The following PRIMA1 variants were observed in gnomAD, a reference collection of about 807,000 sequenced individuals.
PRIMA1 encodes the protein proline rich membrane anchor 1, also known as proline-rich membrane anchor 1.
In PRIMA1, 7 loss-of-function variants were observed where a neutral mutation model predicts 17.5. The ratio of observed to expected loss-of-function variants is 0.40; its 90% CI spans 0.23 to 0.75. The LOEUF is 0.75. Ranked by LOEUF, PRIMA1 falls within the 30% of genes least tolerant of loss-of-function variation. The pLI is 0.37. For synonymous variants in PRIMA1, 97 were observed against 77.9 expected (o/e 1.25, Z -1.29); for missense variants, 200 against 201.8 (o/e 0.99, Z 0.05).
chr14:93,763,948 C>A (rs1372784847), intron 3 of PRIMA1, among the ~76,000 whole-genome samples: 1 of 152,122 alleles, frequency 6.6e-6, no homozygotes, highest in African/African-American at 2.4e-5. Context: ...ACCTCCAACA[C>A]CTTGTGTCAA....
At chr14:93,756,030 G>T (rs191567076) in intron 3 of PRIMA1, among the ~76,000 whole-genome samples, 1 of 152,132 alleles carries the variant, frequency 6.6e-6, no homozygotes. Context: ...TGCAATCCAG[G>T]TTGAGAGCCC....
chr14:93,750,453 G>A (rs146155000), intron 3 of PRIMA1, among the ~76,000 whole-genome samples: 293 of 152,280 alleles, frequency 1.9e-3, no homozygotes, highest in Admixed American at 4.6e-3. Flanking sequence ...CAGGTAGAAC[G>A]TGCTCTGTCT....
chr14:93,761,525 A>C (rs1884724054), intron 3 of PRIMA1, among the ~76,000 whole-genome samples: 1 of 152,040 alleles, frequency 6.6e-6, no homozygotes, highest in Non-Finnish European at 1.5e-5. Flanking sequence ...GTACCACAGG[A>C]CCCTTGTATG....
At chr14:93,782,269 AAAATAAAT>A (rs71412332) in intron 2 of PRIMA1, among the ~76,000 whole-genome samples, 132 of 149,812 alleles carry the variant, frequency 8.8e-4, no homozygotes, top group African/African-American at 2.4e-3. Context: ...CTCCGTCTCA[AAAATAAAT>A]AAATAAATAA....
At chr14:93,780,288 A>G (rs1885342169) in intron 2 of PRIMA1, among the ~76,000 whole-genome samples, 1 of 152,228 alleles carries the variant, frequency 6.6e-6, no homozygotes, top group African/African-American at 2.4e-5. Flanking sequence ...AGGGGCAGAA[A>G]GCTACATTTG....
intron 3 of PRIMA1, among the ~76,000 whole-genome samples, chr14:93,765,183 T>A (rs1352030580): frequency 6.6e-6 from 1 of 151,754 alleles, no homozygotes; most frequent in African/African-American, 2.4e-5. Context: ...CCCCACATGC[T>A]CCCAGGCAAA....
At chr14:93,743,491 T>C (rs572288459) in intron 3 of PRIMA1, among the ~76,000 whole-genome samples, 1 of 152,224 alleles carries the variant, frequency 6.6e-6, no homozygotes, top group Non-Finnish European at 1.5e-5. Flanking sequence ...TCCGGGCCCA[T>C]CAGGCGGGTC....
chr14:93,725,808 G>T, intron 4 of PRIMA1: 1 of 368,270 alleles, frequency 2.7e-6, no homozygotes, highest in Non-Finnish European at 5.4e-6. Context: ...CAGCAGCCAA[G>T]GTTCTCCAGT....
In PRIMA1 at chr14:93,779,224, G is replaced by GGGGGGGGGGGGGGGGGGGC; in HGVS notation, c.180_181insGCCCCCCCCCCCCCCCCCC (p.Pro61AlafsTer32). ...GGTGGCGGGGGTGGGGGCGGCGGGG[G>GGGGGGGGGGGGGGGGGGGC]CAGCGGGGGAGGGGGCCGGCACTGG... is the stretch of plus-strand genomic sequence containing the variant. On this transcript the variant is annotated frameshift_variant, in exon 3 of 5. Coordinates refer to ENST00000393140, the MANE Select transcript of PRIMA1 (RefSeq NM_178013.4). LOFTEE classifies it high-confidence loss of function. 8.8e-7 allele frequency: 1 copy of GGGGGGGGGGGGGGGGGGGC among 1,134,018 alleles called. No homozygotes were observed. Among genetic ancestry groups the GGGGGGGGGGGGGGGGGGGC allele is most frequent in the South Asian group, 1.6e-5 (1 of 61,152 alleles). The allele number at this position is 1,134,018 out of a possible 1,614,324, so 70.2% of individuals were successfully genotyped here.
At chr14:93,758,613 G>GA (rs372683058) in intron 3 of PRIMA1, among the ~76,000 whole-genome samples, 2,577 of 134,432 alleles carry the variant, frequency 0.019, 102 homozygotes, top group African/African-American at 0.068. Flanking sequence ...AAAAAAAAAA[G>GA]AAAAAGAAAA....
chr14:93,749,907 G>A (rs777575425), intron 3 of PRIMA1, among the ~76,000 whole-genome samples: 1 of 152,218 alleles, frequency 6.6e-6, no homozygotes, highest in Non-Finnish European at 1.5e-5. Context: ...TAAGCTGGGT[G>A]CAGTGGCTCA....
chr14:93,755,403 A>C (rs893193135), intron 3 of PRIMA1, among the ~76,000 whole-genome samples: 30 of 152,118 alleles, frequency 2.0e-4, no homozygotes, highest in African/African-American at 7.2e-4. Flanking sequence ...TCACCAGTTC[A>C]GGAGAGGCTG....
At chr14:93,758,594 C>CAAAAA (rs34329291) in intron 3 of PRIMA1, among the ~76,000 whole-genome samples, 35 of 81,238 alleles carry the variant, frequency 4.3e-4, no homozygotes, top group Admixed American at 8.6e-4. Context: ...GCAAGACTCT[C>CAAAAA]AAAAAAAAAA....
chr14:93,769,597 G>A (rs571170973), intron 3 of PRIMA1, among the ~76,000 whole-genome samples: 75 of 152,338 alleles, frequency 4.9e-4, no homozygotes, highest in African/African-American at 1.7e-3. Flanking sequence ...CTAGGGCAGC[G>A]GCATTCATGA....
chr14:93,729,620 C>A (rs1183535634), intron 4 of PRIMA1, among the ~76,000 whole-genome samples: 1 of 152,222 alleles, frequency 6.6e-6, no homozygotes, highest in East Asian at 1.9e-4. Flanking sequence ...CTTCCCCATG[C>A]CCCTCCTTTG....
chr14:93,748,604 G>A (rs762231507), intron 3 of PRIMA1, among the ~76,000 whole-genome samples: 62 of 152,022 alleles, frequency 4.1e-4, no homozygotes, highest in Admixed American at 1.4e-3. Context: ...TGGTGGCCGA[G>A]GCCCTTCCTG....
At chr14:93,732,784 G>A (rs2076123229) in intron 4 of PRIMA1, among the ~76,000 whole-genome samples, 1 of 151,040 alleles carries the variant, frequency 6.6e-6, no homozygotes, top group African/African-American at 2.5e-5. Context: ...GGCCACAGAG[G>A]GAAGCGATAC....
chr14:93,745,595 G>A (rs1264818988), intron 3 of PRIMA1, among the ~76,000 whole-genome samples: 1 of 152,208 alleles, frequency 6.6e-6, no homozygotes, highest in Non-Finnish European at 1.5e-5. Flanking sequence ...TCCTGGCTCA[G>A]GCCCCCACCT....
rs2076018308 is a variant in PRIMA1, at chr14:93,718,612, CAG to C, written c.*2830_*2831del. ...GTTTAACTCATACTTTGTACAGATGCAGAGAGTACAGTAGTTGTATTTATATA... is the reference window on the plus strand; with the variant it reads ...GTTTAACTCATACTTTGTACAGATGCAGAGTACAGTAGTTGTATTTATATA... On this transcript the variant is annotated 3_prime_UTR_variant, in exon 5 of 5. Transcript: ENST00000393140. 1 of 147,958 alleles carries C rather than the reference CAG, an allele frequency of 6.8e-6. No homozygotes were observed. The highest frequency in any genetic ancestry group is 1.5e-5 in the Non-Finnish European group (1 of 67,348). The allele number at this position is 147,958 out of a possible 1,614,324, so 9.2% of individuals were successfully genotyped here.
Sources: gnomAD v4.1 joint callset for allele counts (sites outside exome capture counted in the v4.1 genomes callset) on GRCh38, gnomAD v4.1.1 for gene constraint, MANE v1.5 for transcripts, NCBI Gene and HGNC (gene_info 2026-07-23, HGNC 2026-07-21) for gene names.